STK3: variants seen among roughly 807,000 people sequenced by gnomAD.
STK3 encodes the protein serine/threonine kinase 3.
Under a neutral mutation model 58.0 loss-of-function variants are expected in STK3, and 41 were observed. That is an observed-to-expected ratio of 0.71 (90% CI 0.55 to 0.92). The LOEUF is 0.92. Ranked by LOEUF, STK3 falls within the 40% of genes least tolerant of loss-of-function variation. The pLI is 0.00. For synonymous variants in STK3, 170 were observed against 191.0 expected (o/e 0.89, Z 0.91); for missense variants, 479 against 602.7 (o/e 0.79, Z 2.15).
At chr8:98,612,752 A>T (rs1197090528) in intron 6 of STK3, among the ~76,000 whole-genome samples, 1 of 152,112 alleles carries the variant, frequency 6.6e-6, no homozygotes, top group Non-Finnish European at 1.5e-5. Context: ...CCACAGAAAA[A>T]ACTGTAGTCC....
At chr8:98,487,039 C>A (rs1822325597) in intron 10 of STK3, among the ~76,000 whole-genome samples, 2 of 152,006 alleles carry the variant, frequency 1.3e-5, no homozygotes, top group African/African-American at 2.4e-5. Flanking sequence ...ATTTTTTAAT[C>A]TTTTCATGAA....
intron 9 of STK3, among the ~76,000 whole-genome samples, chr8:98,527,894 T>C (rs1028816307): frequency 3.9e-5 from 6 of 152,242 alleles, no homozygotes; most frequent in Admixed American, 3.9e-4. Flanking sequence ...AATTTACCAG[T>C]TCTAAAACTA....
chr8:98,895,224 T>G (rs1838402053), intron 1 of STK3, among the ~76,000 whole-genome samples: 1 of 152,152 alleles, frequency 6.6e-6, no homozygotes, highest in Admixed American at 6.5e-5. Flanking sequence ...ATGAGTTACC[T>G]GGGGACTCTT....
chr8:98,850,177 T>G (rs1032266940), intron 3 of STK3, among the ~76,000 whole-genome samples: 1 of 152,192 alleles, frequency 6.6e-6, no homozygotes, highest in East Asian at 1.9e-4. Flanking sequence ...ATTTAATTAA[T>G]TTTTTTAGAG....
intron 1 of STK3, among the ~76,000 whole-genome samples, chr8:98,924,472 T>G (rs888821500): frequency 7.2e-5 from 11 of 152,206 alleles, no homozygotes; most frequent in African/African-American, 2.7e-4. Context: ...ATACTTTCCC[T>G]CTTTCAAAGG....
At chr8:98,473,179 G>A (rs889370422) in intron 10 of STK3, among the ~76,000 whole-genome samples, 2 of 152,044 alleles carry the variant, frequency 1.3e-5, no homozygotes, top group Admixed American at 6.6e-5. Flanking sequence ...ACAAGAGCCC[G>A]AAATTCTTTC....
intron 4 of STK3, among the ~76,000 whole-genome samples, chr8:98,708,138 CAA>C (rs200363376): frequency 5.1e-5 from 6 of 117,864 alleles, no homozygotes; most frequent in Admixed American, 8.8e-5. Flanking sequence ...GACTCCATCT[CAA>C]AAAAAAAAAA....
At chr8:98,752,186 G>A (rs903371606) in intron 3 of STK3, among the ~76,000 whole-genome samples, 70 of 152,040 alleles carry the variant, frequency 4.6e-4, no homozygotes, top group Non-Finnish European at 3.1e-4. Context: ...CACACTACCC[G>A]ACTTCAAAAT....
chr8:98,720,282 C>T (rs1194784260), intron 4 of STK3, among the ~76,000 whole-genome samples: 1 of 152,010 alleles, frequency 6.6e-6, no homozygotes, highest in African/African-American at 2.4e-5. Context: ...TAAGCAGAAA[C>T]ACTTATTATT....
At chr8:98,590,873 C>A (rs1420056358) in intron 7 of STK3, among the ~76,000 whole-genome samples, 1 of 152,092 alleles carries the variant, frequency 6.6e-6, no homozygotes, top group Admixed American at 6.5e-5. Context: ...CATTTTATCA[C>A]AATTGTTTTA....
intron 4 of STK3, among the ~76,000 whole-genome samples, chr8:98,740,223 A>C (rs1829071892): frequency 6.6e-6 from 1 of 152,160 alleles, no homozygotes; most frequent in Non-Finnish European, 1.5e-5. Flanking sequence ...GCCAACATTC[A>C]GATTCAGGAA....
chr8:98,821,815 T>C (rs1834921185), intron 1 of STK3, among the ~76,000 whole-genome samples: 1 of 152,138 alleles, frequency 6.6e-6, no homozygotes, highest in African/African-American at 2.4e-5. Context: ...AACACAAACC[T>C]TGTTAAGGAG....
intron 3 of STK3, chr8:98,413,915 T>C (rs1200959461): frequency 1.6e-5 from 7 of 426,826 alleles, no homozygotes; most frequent in South Asian, 6.6e-5. Flanking sequence ...CAGGGCCCTA[T>C]ATTTATTTGA....
chr8:98,564,276 G>A (rs1812291226), intron 8 of STK3, among the ~76,000 whole-genome samples: 1 of 152,116 alleles, frequency 6.6e-6, no homozygotes, highest in Admixed American at 6.6e-5. Context: ...CCGAGAGGCT[G>A]CGACATCATG....
At chr8:98,365,243 C>T in the STK3 span, among the ~76,000 whole-genome samples, 4 of 152,204 alleles carry the variant, frequency 2.6e-5, no homozygotes, top group Non-Finnish European at 5.9e-5. Flanking sequence ...GGATGCTTTG[C>T]TTTTAATATC....
chr8:98,526,718 A>G (rs1825765526), intron 10 of STK3, 24 bp downstream of exon 10: 4 of 1,504,824 alleles, frequency 2.7e-6, no homozygotes, highest in Non-Finnish European at 3.6e-6. Context: ...GAAAACATAA[A>G]TTGAAGAATT....
chr8:98,462,857 G>C (rs1198271050), intron 10 of STK3: 1 of 152,162 alleles, frequency 6.6e-6, no homozygotes, highest in East Asian at 1.9e-4. Context: ...TTGCTGGAGA[G>C]CTAATGTGAT....
chr8:98,828,418 A>ATGG (rs1835394686), upstream of STK3, among the ~76,000 whole-genome samples: 1 of 133,030 alleles, frequency 7.5e-6, no homozygotes, highest in Non-Finnish European at 1.6e-5. Context: ...CCTGGGAAAC[A>ATGG]TGGTGAAACC....
At chr8:98,499,276 CTTAG>C (rs1823390163) in intron 10 of STK3, among the ~76,000 whole-genome samples, 1 of 152,174 alleles carries the variant, frequency 6.6e-6, no homozygotes, top group Non-Finnish European at 1.5e-5. Flanking sequence ...CCCCATAAGA[CTTAG>C]TTTGGATTTC....
Sources: gnomAD v4.1 joint callset for allele counts (sites outside exome capture counted in the v4.1 genomes callset) on GRCh38, gnomAD v4.1.1 for gene constraint, MANE v1.5 for transcripts, NCBI Gene and HGNC (gene_info 2026-07-23, HGNC 2026-07-21) for gene names.